The following PPM1E variants were observed in gnomAD, a reference collection of about 807,000 sequenced individuals.
PPM1E encodes protein phosphatase, Mg2+/Mn2+ dependent 1E, also known as protein phosphatase 1E.
In PPM1E, 20 loss-of-function variants were observed where a neutral mutation model predicts 65.9. That is an observed-to-expected ratio of 0.30 (90% confidence interval 0.21 to 0.44). PPM1E has a LOEUF of 0.44. Ranked by LOEUF, PPM1E falls within the 20% of genes least tolerant of loss-of-function variation. The pLI is 1.00. For synonymous variants in PPM1E, 352 were observed against 374.9 expected (o/e 0.94, Z 0.70); for missense variants, 713 against 953.1 (o/e 0.75, Z 3.32).
chr17:58,952,763 T>C (rs2052257250), intron 1 of PPM1E, among the ~76,000 whole-genome samples: 1 of 152,190 alleles, frequency 6.6e-6, no homozygotes, highest in African/African-American at 2.4e-5. Context: ...AACCTCCACC[T>C]CCTGGATTCA....
intron 2 of PPM1E, among the ~76,000 whole-genome samples, chr17:58,961,955 T>C (rs1354794928): frequency 6.6e-6 from 1 of 152,016 alleles, no homozygotes; most frequent in African/African-American, 2.4e-5. Flanking sequence ...GCTGGAGCTG[T>C]TGGCACATTG....
chr17:58,811,374 A>T, intron 1 of PPM1E, among the ~76,000 whole-genome samples: 1 of 152,222 alleles, frequency 6.6e-6, no homozygotes, highest in Admixed American at 6.5e-5. Flanking sequence ...AATACCATAA[A>T]ATAGGACTCT....
rs371669822 is a variant in PPM1E at position 58,758,219 on chromosome 17, A to G, written c.464+1758A>G. Among the ~76,000 whole-genome samples, 3 of 152,126 alleles carry G rather than the reference A, an allele frequency of 2.0e-5. No individual in the cohort carries two copies. The South Asian group carries it at 6.2e-4, about 32-fold the overall frequency. On this transcript the variant is annotated intron_variant, in intron 1 of 6. Transcript: ENST00000308249. ...TTTTAACTTATTTAAAGATGATGGCAAGAAGATGTGTGTTTTTTCATATAG... is the reference window on the plus strand; with the variant it reads ...TTTTAACTTATTTAAAGATGATGGCGAGAAGATGTGTGTTTTTTCATATAG...
intron 1 of PPM1E, among the ~76,000 whole-genome samples, chr17:58,839,973 C>T (rs551377490): frequency 1.3e-4 from 20 of 152,298 alleles, no homozygotes; most frequent in Admixed American, 6.5e-4. Flanking sequence ...AGATCACCCT[C>T]ATGTTGAATA....
At chr17:58,771,871 G>C (rs1294550087) in intron 1 of PPM1E, among the ~76,000 whole-genome samples, 2 of 152,102 alleles carry the variant, frequency 1.3e-5, no homozygotes, top group Non-Finnish European at 2.9e-5. Flanking sequence ...AGAGATAAAC[G>C]TGTTCCTTTC....
intron 1 of PPM1E, among the ~76,000 whole-genome samples, chr17:58,891,004 CTT>C (rs1318097572): frequency 6.6e-6 from 1 of 151,796 alleles, no homozygotes; most frequent in South Asian, 2.1e-4. Flanking sequence ...GAATTTTGCT[CTT>C]GTTACCCAGG....
chr17:58,801,726 C>T (rs551401307), intron 1 of PPM1E, among the ~76,000 whole-genome samples: 1 of 151,494 alleles, frequency 6.6e-6, no homozygotes, highest in Non-Finnish European at 1.5e-5. Context: ...CAGGTTTGAG[C>T]CACCACGCTC....
chr17:58,978,275 G>A (rs117790842), intron 6 of PPM1E, among the ~76,000 whole-genome samples: 1,914 of 152,270 alleles, frequency 0.013, 22 homozygotes, highest in Non-Finnish European at 0.021. Flanking sequence ...ATATGCCACT[G>A]CTATACAGTA....
chr17:58,792,857 G>T (rs1186671569), intron 1 of PPM1E, among the ~76,000 whole-genome samples: 2 of 139,984 alleles, frequency 1.4e-5, no homozygotes, highest in Non-Finnish European at 3.0e-5. Context: ...GGGTTCAAGC[G>T]ATTCTCCTGC....
chr17:58,866,218 T>C (rs1455314126), intron 1 of PPM1E, among the ~76,000 whole-genome samples: 7 of 152,182 alleles, frequency 4.6e-5, no homozygotes, highest in Non-Finnish European at 7.4e-5. Context: ...CTTGGATGAA[T>C]AGGTCAAAGA....
At chr17:58,817,764 T>G (rs1222855688) in intron 1 of PPM1E, among the ~76,000 whole-genome samples, 2 of 152,244 alleles carry the variant, frequency 1.3e-5, no homozygotes, top group Non-Finnish European at 2.9e-5. Flanking sequence ...TAGTTTTTTT[T>G]TTTTTGAGAC....
chr17:58,965,520 T>C (rs1051126490), intron 2 of PPM1E, among the ~76,000 whole-genome samples, 174 bp from the exon 3 acceptor site: 9 of 152,174 alleles, frequency 5.9e-5, no homozygotes, highest in African/African-American at 2.2e-4. Context: ...TTCCACTAGA[T>C]AGGTTGTGAT....
intron 1 of PPM1E, among the ~76,000 whole-genome samples, chr17:58,800,780 C>T (rs1235107289): frequency 6.6e-6 from 1 of 152,084 alleles, no homozygotes; most frequent in Non-Finnish European, 1.5e-5. Flanking sequence ...TTTTATTCCT[C>T]ACCTGGGTGA....
At chr17:58,976,438 A>G (rs541120304) in intron 6 of PPM1E, among the ~76,000 whole-genome samples, 1 of 152,288 alleles carries the variant, frequency 6.6e-6, no homozygotes, top group African/African-American at 2.4e-5. Context: ...TGGAAACCAC[A>G]TGGAATAAAA....
At chr17:58,962,637 C>A (rs1215039164) in intron 2 of PPM1E, among the ~76,000 whole-genome samples, 1 of 152,186 alleles carries the variant, frequency 6.6e-6, no homozygotes, top group Admixed American at 6.5e-5. Flanking sequence ...GCAGCTAGTG[C>A]TTAAATAAAA....
chr17:58,840,971 T>C (rs1396945628), intron 1 of PPM1E, among the ~76,000 whole-genome samples: 1 of 152,188 alleles, frequency 6.6e-6, no homozygotes, highest in Non-Finnish European at 1.5e-5. Flanking sequence ...GGAAGTTTTA[T>C]AGGCTGGACC....
intron 1 of PPM1E, among the ~76,000 whole-genome samples, chr17:58,931,899 C>T (rs951627217): frequency 1.3e-5 from 2 of 152,134 alleles, no homozygotes; most frequent in Non-Finnish European, 2.9e-5. Context: ...GCATGCAATC[C>T]ATAAGATTCA....
intron 1 of PPM1E, among the ~76,000 whole-genome samples, chr17:58,929,073 A>G (rs1373622720): frequency 6.6e-6 from 1 of 152,204 alleles, no homozygotes; most frequent in Admixed American, 6.5e-5. Flanking sequence ...GTATTCATCA[A>G]TAGAAGAATA....
chr17:58,778,923 CATACATATATATATATAT>C (rs1349811770), intron 1 of PPM1E, among the ~76,000 whole-genome samples: 1 of 61,778 alleles, frequency 1.6e-5, no homozygotes, highest in African/African-American at 6.8e-5. Flanking sequence ...TGAGATGATA[CATACATATATATATATAT>C]ATATATATAT....
Sources: allele counts gnomAD v4.1 joint callset (sites outside exome capture counted in the v4.1 genomes callset), GRCh38; gene constraint gnomAD v4.1.1; transcripts MANE v1.5; gene names NCBI Gene and HGNC (gene_info 2026-07-23, HGNC 2026-07-21).